FLT1: variants seen among roughly 807,000 people sequenced by gnomAD.
FLT1 encodes vascular endothelial growth factor receptor 1.
In FLT1, 49 loss-of-function variants were observed where a neutral mutation model predicts 156.3. That is an observed-to-expected ratio of 0.31 (90% CI 0.25 to 0.40). The LOEUF (loss-of-function observed/expected upper bound fraction) is 0.40, where lower values mean the gene tolerates loss of function less well. Among genes scored for constraint, FLT1 ranks in the 10% least tolerant of loss-of-function variants. The pLI is 1.00. For missense variants in FLT1, 1,322 were observed against 1,637.2 expected, an observed-to-expected ratio of 0.81 and a Z score of 3.32; for synonymous variants, 594 against 583.8, an observed-to-expected ratio of 1.02 and a Z score of -0.25.
At chr13:28,408,012 A>T (rs1875914467) in intron 10 of FLT1, among the ~76,000 whole-genome samples, 1 of 152,204 alleles carries the variant, frequency 6.6e-6, no homozygotes, top group African/African-American at 2.4e-5. Flanking sequence ...ACATATACAC[A>T]TGTGTATACC....
At chr13:28,373,852 G>C (rs377512515) in intron 14 of FLT1, among the ~76,000 whole-genome samples, 11 of 152,172 alleles carry the variant, frequency 7.2e-5, no homozygotes, top group African/African-American at 2.6e-4. Context: ...CTAACCCCTC[G>C]ATGTCCCCAA....
rs1182097809 is a variant in FLT1, at chr13:28,303,439, CTCTT to C, written c.3816-75_3816-72del. The C allele has an allele frequency of 8.0e-6, 11 of 1,367,972 alleles. No homozygotes were observed. The African/African-American group carries it at 1.3e-4, about 16-fold the overall frequency. 84.7% of individuals were successfully genotyped at this position (1,367,972 alleles called of 1,614,324 possible). A position where few individuals can be genotyped will look rare whatever the true frequency, so the allele number is the denominator to read the frequency against. On this transcript the variant is annotated intron_variant, in intron 29 of 29. Coordinates refer to ENST00000282397, the MANE Select transcript of FLT1 (RefSeq NM_002019.4). ...TAGAAAACAAAGACACTAAAATCTA[CTCTT>C]TCTGAGTGGGTCATTTGTTCATACC...
At chr13:28,443,291 G>T (rs571404180) in intron 3 of FLT1, among the ~76,000 whole-genome samples, 2 of 152,300 alleles carry the variant, frequency 1.3e-5, no homozygotes. Context: ...AGAATGGAAC[G>T]ATGTCTATTT....
At chr13:28,359,202 T>C (rs1273495536) in intron 14 of FLT1, among the ~76,000 whole-genome samples, 2 of 152,114 alleles carry the variant, frequency 1.3e-5, no homozygotes, top group Non-Finnish European at 2.9e-5. Context: ...CATCAACCAA[T>C]GGAATAGGCA....
chr13:28,356,262 G>GT (rs1872896341), intron 15 of FLT1, among the ~76,000 whole-genome samples: 1 of 152,212 alleles, frequency 6.6e-6, no homozygotes, highest in Non-Finnish European at 1.5e-5. Flanking sequence ...CTGAGGATTA[G>GT]TGAGGTCTCC....
At chr13:28,372,602 A>ATATATATATATG (rs1281561806) in intron 14 of FLT1, among the ~76,000 whole-genome samples, 1 of 120,558 alleles carries the variant, frequency 8.3e-6, no homozygotes, top group Non-Finnish European at 1.7e-5. Flanking sequence ...ATATATATAT[A>ATATATATATATG]GCTGGGTGCA....
At chr13:28,351,796 A>T (rs529800085) in intron 15 of FLT1, among the ~76,000 whole-genome samples, 1 of 152,366 alleles carries the variant, frequency 6.6e-6, no homozygotes, top group African/African-American at 2.4e-5. Flanking sequence ...AACACCTTTT[A>T]GGTGACCCAC....
intron 1 of FLT1, among the ~76,000 whole-genome samples, chr13:28,474,324 C>A (rs779343258): frequency 1.1e-4 from 16 of 152,008 alleles, no homozygotes; most frequent in Non-Finnish European, 1.5e-4. Flanking sequence ...GGTGTGGTGG[C>A]ATGCACCTGT....
intron 10 of FLT1, among the ~76,000 whole-genome samples, chr13:28,420,173 G>C (rs961009188): frequency 6.6e-6 from 1 of 152,188 alleles, no homozygotes; most frequent in Non-Finnish European, 1.5e-5. Context: ...TAAGCAGCAT[G>C]CACTTCCTCG....
Position 28,433,261 on chromosome 13 carries a change from A to G in FLT1, c.813+558T>C, listed in dbSNP as rs890451838. ...TTTGCAAGGATGTTCGATTTGAATA[A>G]GGGAACCCAACGCAGGCTTCATTCT... On this transcript the variant is annotated intron_variant, in intron 6 of 29. Coordinates refer to ENST00000282397, the MANE Select transcript of FLT1 (RefSeq NM_002019.4). 2.6e-5 allele frequency among the ~76,000 whole-genome samples: 4 copies of G among 152,228 alleles called. No individual in the cohort carries two copies. In the South Asian group the frequency reaches 8.3e-4, roughly 32 times the overall value.
At chr13:28,350,334 C>T (rs1872700337) in intron 15 of FLT1, among the ~76,000 whole-genome samples, 1 of 152,118 alleles carries the variant, frequency 6.6e-6, no homozygotes, top group South Asian at 2.1e-4. Flanking sequence ...GACTGTTGAC[C>T]TGGTTGCACA....
intron 3 of FLT1, among the ~76,000 whole-genome samples, chr13:28,449,117 CAA>C (rs1237641630): frequency 1.3e-5 from 2 of 151,958 alleles, no homozygotes; most frequent in Non-Finnish European, 1.5e-5. Context: ...CCCATGTCTA[CAA>C]AAAAATTTTA....
At chr13:28,360,304 C>A (rs1873066010) in intron 14 of FLT1, among the ~76,000 whole-genome samples, 1 of 152,156 alleles carries the variant, frequency 6.6e-6, no homozygotes, top group African/African-American at 2.4e-5. Context: ...AAAAAGAAAA[C>A]TGCTATATGA....
Position 28,350,770 on chromosome 13 carries a change from GTTTCC to G in FLT1, c.2249-5224_2249-5220del, listed in dbSNP as rs538771375. On this transcript the variant is annotated intron_variant, in intron 15 of 29. Coordinates refer to ENST00000282397, the MANE Select transcript of FLT1 (RefSeq NM_002019.4). ...GAAAGGGCAGGTACTCTGTGCCCCAGTTTCCTCATCCTTACAAAGTGGAGATAACA... is the reference window on the plus strand; with the variant it reads ...GAAAGGGCAGGTACTCTGTGCCCCAGTCATCCTTACAAAGTGGAGATAACA... Among the ~76,000 whole-genome samples the G allele has an allele frequency of 2.1e-4, 32 of 152,260 alleles. No individual in the cohort carries two copies. In the South Asian group the frequency reaches 6.0e-3, roughly 29 times the overall value.
intron 19 of FLT1, chr13:28,328,242 T>C (rs1871775789): frequency 6.6e-6 from 1 of 152,298 alleles, no homozygotes; most frequent in Non-Finnish European, 1.5e-5. Flanking sequence ...TTTTTTATTT[T>C]TTCCCCCAAC....
At chr13:28,402,023 G>A (rs1875470897) in intron 11 of FLT1, among the ~76,000 whole-genome samples, 1 of 152,070 alleles carries the variant, frequency 6.6e-6, no homozygotes, top group Admixed American at 6.6e-5. Flanking sequence ...TAGACAATAC[G>A]AAAGTGCACA....
chr13:28,331,844 A>G (rs1871943502), intron 18 of FLT1, among the ~76,000 whole-genome samples: 1 of 149,320 alleles, frequency 6.7e-6, no homozygotes, highest in Admixed American at 6.6e-5. Context: ...TTTACAATCA[A>G]TGCTGATGGC....
chr13:28,422,317 TTC>T (rs1361216594), intron 10 of FLT1, among the ~76,000 whole-genome samples: 3 of 66,932 alleles, frequency 4.5e-5, no homozygotes, highest in Admixed American at 1.5e-4. Context: ...CTAAGTTTTT[TTC>T]CCATGAGTGG....
intron 14 of FLT1, among the ~76,000 whole-genome samples, chr13:28,382,393 G>A (rs935637966): frequency 6.6e-6 from 1 of 152,214 alleles, no homozygotes; most frequent in African/African-American, 2.4e-5. Context: ...TTCAAGTCAG[G>A]CGACTCTGAG....
Sources: gnomAD v4.1 joint callset for allele counts (sites outside exome capture counted in the v4.1 genomes callset) on GRCh38, gnomAD v4.1.1 for gene constraint, MANE v1.5 for transcripts, NCBI Gene and HGNC (gene_info 2026-07-23, HGNC 2026-07-21) for gene names.